Variants in BBX observed in about 807,000 individuals in gnomAD.
BBX encodes BBX high mobility group box domain containing.
Under a neutral mutation model 100.2 loss-of-function variants are expected in BBX, and 30 were observed. The observed-to-expected ratio is 0.30, with a 90% confidence interval of 0.22 to 0.41. BBX has a LOEUF of 0.41. Ranked by LOEUF, BBX falls within the 10% of genes least tolerant of loss-of-function variation. BBX has a pLI of 1.00. For missense variants in BBX, 1,023 were observed against 1,129.8 expected (o/e 0.91, Z 1.35); for synonymous variants, 376 against 388.1 (o/e 0.97, Z 0.37).
chr3:107,653,323 C>T (rs937582807), intron 3 of BBX, among the ~76,000 whole-genome samples: 3 of 152,186 alleles, frequency 2.0e-5, no homozygotes, highest in African/African-American at 7.2e-5. Context: ...GCTTTTCCAA[C>T]ACTTCATCAG....
chr3:107,804,544 C>A (rs554518266), intron 17 of BBX, among the ~76,000 whole-genome samples: 4 of 152,252 alleles, frequency 2.6e-5, no homozygotes, highest in African/African-American at 9.6e-5. Flanking sequence ...TTTCTCATAA[C>A]CATGAAGTAA....
rs550961185 is a variant in BBX, at chr3:107,795,388, A to G, written c.2354-3135A>G. On this transcript the variant is annotated intron_variant, in intron 15 of 17. Transcript: ENST00000325805. ...CTGAAGGCTGTCCTCAGTCTAAACC[A>G]CCAAACAAGACCATACGTTCTGGGG... Among the ~76,000 whole-genome samples the G allele has an allele frequency of 2.6e-5, 4 of 152,244 alleles. No homozygotes were observed. In the East Asian group the frequency reaches 7.7e-4, roughly 29 times the overall value.
At chr3:107,790,381 C>T (rs1028243950) in intron 14 of BBX, among the ~76,000 whole-genome samples, 5 of 152,038 alleles carry the variant, frequency 3.3e-5, no homozygotes, top group Non-Finnish European at 7.4e-5. Context: ...CTTCTTCCAC[C>T]CCCCCTCGTT....
chr3:107,723,664 G>GT (rs2062705788), intron 5 of BBX, among the ~76,000 whole-genome samples: 3 of 151,940 alleles, frequency 2.0e-5, no homozygotes, highest in South Asian at 2.1e-4. Context: ...TGAGGTATTT[G>GT]TTTTTTTGTC....
chr3:107,592,397 G>A (rs965271051), intron 2 of BBX, among the ~76,000 whole-genome samples: 4 of 140,814 alleles, frequency 2.8e-5, no homozygotes, highest in Non-Finnish European at 4.6e-5. Context: ...GTATTAAGAT[G>A]ACTGTATGTT....
chr3:107,806,127 AAAAAG>A lies in BBX; in HGVS notation c.*672_*676del, dbSNP rs1316053479. The A allele has an allele frequency of 2.0e-5, 3 of 151,982 alleles. No individual in the cohort carries two copies. Among genetic ancestry groups the A allele is most frequent in the Admixed American group, 6.5e-5 (1 of 15,274 alleles). The allele number at this position is 151,982 out of a possible 1,614,324, so 9.4% of individuals were successfully genotyped here. ...GGTAGTTTGCTGGCAAAAAAAAAAAAAAAAGAGAGAGAGAAAAAATTACAACTCTT... is the reference window on the plus strand; with the variant it reads ...GGTAGTTTGCTGGCAAAAAAAAAAAAAGAGAGAGAAAAAATTACAACTCTT... On this transcript the variant is annotated 3_prime_UTR_variant, in exon 18 of 18. Transcript: ENST00000325805.
chr3:107,705,902 TTTC>T (rs985977920), intron 3 of BBX, among the ~76,000 whole-genome samples: 3 of 152,160 alleles, frequency 2.0e-5, no homozygotes, highest in Non-Finnish European at 2.9e-5. Flanking sequence ...GTCCTTTTTT[TTTC>T]TTCTTCTTTT....
In BBX at chr3:107,809,404, G is replaced by C. The variant is rs1576915602; in HGVS notation, c.*3947G>C. The C allele has an allele frequency of 6.6e-6, 1 of 152,372 alleles. No homozygotes were observed. Among genetic ancestry groups the C allele is most frequent in the Admixed American group, 6.5e-5 (1 of 15,278 alleles). The allele number at this position is 152,372 out of a possible 1,614,324, so 9.4% of individuals were successfully genotyped here. A position where few individuals can be genotyped will look rare whatever the true frequency, so the allele number is the denominator to read the frequency against. On this transcript the variant is annotated 3_prime_UTR_variant, in exon 18 of 18. Coordinates refer to ENST00000325805, the MANE Select transcript of BBX (RefSeq NM_001142568.3). ...CACCCACCACTTCATCTGGGAAAAG[G>C]AAGGAAATTGCAGGAGGCCTGGAGC...
chr3:107,545,879 G>C (rs1184422459), intron 2 of BBX, among the ~76,000 whole-genome samples: 1 of 152,138 alleles, frequency 6.6e-6, no homozygotes, highest in Non-Finnish European at 1.5e-5. Context: ...GTAAAACACA[G>C]GGTTTCAAAC....
chr3:107,617,015 A>G (rs898398139), intron 2 of BBX, among the ~76,000 whole-genome samples: 2 of 152,124 alleles, frequency 1.3e-5, no homozygotes, highest in African/African-American at 4.8e-5. Context: ...TTAAAATTTT[A>G]TAGTTTTGCA....
At chr3:107,555,307 A>C (rs1345885506) in intron 2 of BBX, among the ~76,000 whole-genome samples, 1 of 152,034 alleles carries the variant, frequency 6.6e-6, no homozygotes, top group South Asian at 2.1e-4. Context: ...TGGTTCCTTG[A>C]TTTAAGATTT....
At chr3:107,782,578 C>A (rs1443027584) in intron 13 of BBX, among the ~76,000 whole-genome samples, 1 of 152,060 alleles carries the variant, frequency 6.6e-6, no homozygotes, top group Non-Finnish European at 1.5e-5. Context: ...TGAAGTGGCT[C>A]CTGTGTCACT....
At chr3:107,740,326 T>C (rs1025593976) in intron 7 of BBX, among the ~76,000 whole-genome samples, 12 of 151,980 alleles carry the variant, frequency 7.9e-5, no homozygotes, top group African/African-American at 2.2e-4. Flanking sequence ...AAGCTTTAAC[T>C]TACCTTGGAA....
intron 2 of BBX, among the ~76,000 whole-genome samples, chr3:107,624,344 T>C (rs1053195980): frequency 6.6e-6 from 1 of 152,206 alleles, no homozygotes; most frequent in Admixed American, 6.5e-5. Context: ...TTTTTTTGTG[T>C]GTGTGTTTAA....
At chr3:107,606,425 C>A (rs902411356) in intron 2 of BBX, among the ~76,000 whole-genome samples, 9 of 152,216 alleles carry the variant, frequency 5.9e-5, no homozygotes, top group Non-Finnish European at 2.9e-5. Context: ...TTGGTTAATA[C>A]AGGTTGATTG....
At chr3:107,781,611 T>C (rs892964701) in intron 13 of BBX, among the ~76,000 whole-genome samples, 2 of 152,154 alleles carry the variant, frequency 1.3e-5, no homozygotes, top group African/African-American at 2.4e-5. Flanking sequence ...GTACTGATAA[T>C]GTATGAAGCA....
At chr3:107,610,494 A>G (rs2054766194) in intron 2 of BBX, among the ~76,000 whole-genome samples, 1 of 151,958 alleles carries the variant, frequency 6.6e-6, no homozygotes, top group Non-Finnish European at 1.5e-5. Flanking sequence ...TTTAGCTCTA[A>G]TAATATTTTA....
At chr3:107,562,310 T>G (rs554042826) in intron 2 of BBX, among the ~76,000 whole-genome samples, 1 of 152,346 alleles carries the variant, frequency 6.6e-6, no homozygotes, top group East Asian at 1.9e-4. Flanking sequence ...GAAGTTTCGC[T>G]TTACTCAAAT....
At chr3:107,737,617 A>T (rs1488203198) in intron 7 of BBX, among the ~76,000 whole-genome samples, 1 of 152,152 alleles carries the variant, frequency 6.6e-6, no homozygotes, top group Non-Finnish European at 1.5e-5. Flanking sequence ...TGTTTATTGA[A>T]TGCCTTGTAT....
Sources: allele counts gnomAD v4.1 joint callset (sites outside exome capture counted in the v4.1 genomes callset), GRCh38; gene constraint gnomAD v4.1.1; transcripts MANE v1.5; gene names NCBI Gene and HGNC (gene_info 2026-07-23, HGNC 2026-07-21).